Variants in MAGI2 observed in about 807,000 individuals in gnomAD.
The protein encoded by MAGI2 is membrane associated guanylate kinase, WW and PDZ domain containing 2.
MAGI2 carries 35 observed loss-of-function variants against 133.3 expected under a neutral mutation model. The observed-to-expected ratio is 0.26, with a 90% confidence interval of 0.20 to 0.35. MAGI2 has a LOEUF of 0.35. Among genes scored for constraint, MAGI2 ranks in the 10% least tolerant of loss-of-function variants. MAGI2 has a pLI of 1.00. For missense variants in MAGI2, 1,636 were observed against 1,863.4 expected, an observed-to-expected ratio of 0.88 and a Z score of 2.25; for synonymous variants, 729 against 710.6, an observed-to-expected ratio of 1.03 and a Z score of -0.41.
intron 2 of MAGI2, among the ~76,000 whole-genome samples, chr7:78,743,807 C>T (rs766477820): frequency 6.6e-6 from 1 of 152,180 alleles, no homozygotes; most frequent in Non-Finnish European, 1.5e-5. Context: ...CATTTTTAAT[C>T]TCCATACTGA....
intron 2 of MAGI2, among the ~76,000 whole-genome samples, chr7:78,668,004 C>G (rs1345965996): frequency 6.6e-5 from 10 of 152,118 alleles, no homozygotes; most frequent in Admixed American, 6.6e-4. Flanking sequence ...TACAGTCCCA[C>G]CAACAGTGTA....
At chr7:78,621,946 C>T (rs1016634450) in intron 3 of MAGI2, among the ~76,000 whole-genome samples, 2 of 152,018 alleles carry the variant, frequency 1.3e-5, no homozygotes, top group African/African-American at 4.8e-5. Context: ...GTTTCCTGTT[C>T]TAAAACCCAA....
At chr7:78,144,197 T>TA (rs1201325492) in intron 16 of MAGI2, among the ~76,000 whole-genome samples, 12 of 152,142 alleles carry the variant, frequency 7.9e-5, no homozygotes, top group Non-Finnish European at 1.3e-4. Flanking sequence ...ATGGTTATAA[T>TA]AAAAAATTCT....
chr7:78,474,569 C>T (rs1791553292), intron 6 of MAGI2, among the ~76,000 whole-genome samples: 1 of 151,980 alleles, frequency 6.6e-6, no homozygotes, highest in Admixed American at 6.6e-5. Context: ...GAGATCTATA[C>T]ATTTTAAATA....
intron 2 of MAGI2, among the ~76,000 whole-genome samples, chr7:78,633,630 C>T (rs1809291520): frequency 6.8e-6 from 1 of 146,322 alleles, no homozygotes; most frequent in African/African-American, 2.6e-5. Flanking sequence ...GGCGTGAACC[C>T]GGAAGGCGGA....
chr7:79,225,882 T>C (rs1051497995), intron 1 of MAGI2, among the ~76,000 whole-genome samples: 2 of 152,152 alleles, frequency 1.3e-5, no homozygotes, highest in African/African-American at 4.8e-5. Flanking sequence ...TATGGCCTGA[T>C]TATGATGCAG....
chr7:78,029,105 C>G (rs538092989), intron 21 of MAGI2, among the ~76,000 whole-genome samples: 1 of 152,210 alleles, frequency 6.6e-6, no homozygotes, highest in East Asian at 1.9e-4. Context: ...GATACCTGGA[C>G]AGTGCACTGT....
At chr7:78,438,045 C>A (rs1787220478) in intron 6 of MAGI2, among the ~76,000 whole-genome samples, 1 of 152,090 alleles carries the variant, frequency 6.6e-6, no homozygotes, top group Admixed American at 6.6e-5. Context: ...TGTAATGATA[C>A]TTTGTTCCCT....
intron 1 of MAGI2, among the ~76,000 whole-genome samples, chr7:79,447,261 GC>G (rs764259262): frequency 2.0e-5 from 3 of 151,962 alleles, no homozygotes; most frequent in Non-Finnish European, 4.4e-5. Flanking sequence ...TGTAAATTCA[GC>G]AATTATTATA....
At chr7:79,077,553 CAACAG>C (rs1815592817) in intron 1 of MAGI2, among the ~76,000 whole-genome samples, 1 of 108,392 alleles carries the variant, frequency 9.2e-6, no homozygotes, top group East Asian at 2.9e-4. Flanking sequence ...CCAGCCTGGG[CAACAG>C]AGCGAGACTG....
intron 2 of MAGI2, among the ~76,000 whole-genome samples, chr7:78,737,329 G>A (rs750867102): frequency 9.9e-5 from 15 of 152,032 alleles, no homozygotes; most frequent in Non-Finnish European, 1.8e-4. Context: ...TTACAAACTC[G>A]TGCATGCAAA....
intron 2 of MAGI2, among the ~76,000 whole-genome samples, chr7:78,776,986 T>C (rs952050948): frequency 6.6e-6 from 1 of 152,200 alleles, no homozygotes; most frequent in Non-Finnish European, 1.5e-5. Flanking sequence ...CCTGGATCTA[T>C]GGGAACTTTC....
At chr7:78,309,448 A>C (rs573504882) in intron 9 of MAGI2, among the ~76,000 whole-genome samples, 1 of 152,208 alleles carries the variant, frequency 6.6e-6, no homozygotes, top group Non-Finnish European at 1.5e-5. Flanking sequence ...TAGAAAATCA[A>C]ATACCGTATG....
chr7:78,711,030 T>C (rs73382140), intron 2 of MAGI2, among the ~76,000 whole-genome samples: 3,341 of 152,248 alleles, frequency 0.022, 127 homozygotes, highest in African/African-American at 0.076. Flanking sequence ...CTCTTTGTAG[T>C]CTAGTGCATG....
intron 3 of MAGI2, among the ~76,000 whole-genome samples, chr7:78,529,820 C>A (rs1797308915): frequency 2.0e-5 from 3 of 150,438 alleles, no homozygotes; most frequent in Admixed American, 2.0e-4. Context: ...CCTGGCCAAT[C>A]ATCTTAAAAT....
chr7:78,645,737 CTTTT>C (rs541719231), intron 2 of MAGI2, among the ~76,000 whole-genome samples: 47 of 139,064 alleles, frequency 3.4e-4, no homozygotes, highest in East Asian at 2.1e-3. Context: ...AATAGCAAAA[CTTTT>C]TTTTTTTTTT....
At chr7:78,960,892 T>G (rs1802777578) in intron 2 of MAGI2, among the ~76,000 whole-genome samples, 1 of 152,066 alleles carries the variant, frequency 6.6e-6, no homozygotes, top group Non-Finnish European at 1.5e-5. Context: ...TAATTTGGCT[T>G]TAAGGAATGA....
At chr7:79,447,565 GTTGGTTGCTTCACC>G (rs1563233979) in intron 1 of MAGI2, among the ~76,000 whole-genome samples, 2 of 151,906 alleles carry the variant, frequency 1.3e-5, no homozygotes, top group Admixed American at 6.6e-5. Flanking sequence ...TGGAAGTATT[GTTGGTTGCTTCACC>G]TTGTAACAGT....
intron 1 of MAGI2, among the ~76,000 whole-genome samples, chr7:79,141,022 A>T (rs1417710787): frequency 2.0e-5 from 3 of 152,194 alleles, no homozygotes; most frequent in Non-Finnish European, 4.4e-5. Context: ...GTATAAATGA[A>T]TTGTCAAACT....
Sources: allele counts gnomAD v4.1 joint callset (sites outside exome capture counted in the v4.1 genomes callset), GRCh38; gene constraint gnomAD v4.1.1; transcripts MANE v1.5; gene names NCBI Gene and HGNC (gene_info 2026-07-23, HGNC 2026-07-21).